SPECC1L: variants seen among roughly 807,000 people sequenced by gnomAD.
SPECC1L encodes cytospin-A.
SPECC1L carries 40 observed loss-of-function variants against 116.8 expected under a neutral mutation model. That is an observed-to-expected ratio of 0.34 (90% CI 0.27 to 0.45). The LOEUF (loss-of-function observed/expected upper bound fraction) is 0.45, where lower values mean the gene tolerates loss of function less well. Among genes scored for constraint, SPECC1L ranks in the 20% least tolerant of loss-of-function variants. The probability of loss-of-function intolerance (pLI) is 1.00; values close to 1 mark genes in which losing one functional copy is unlikely to be tolerated. For synonymous variants in SPECC1L, 504 were observed against 500.6 expected, an observed-to-expected ratio of 1.01 and a Z score of -0.09; for missense variants, 1,110 against 1,373.6, an observed-to-expected ratio of 0.81 and a Z score of 3.03.
intron 13 of SPECC1L, among the ~76,000 whole-genome samples, chr22:24,368,417 A>G (rs2041813036): frequency 6.6e-6 from 1 of 152,230 alleles, no homozygotes; most frequent in African/African-American, 2.4e-5. Context: ...GCCTAAAGTC[A>G]AAAAACAGTG....
At chr22:24,346,787 TATTTTACTATAG>T (rs1264805427) in intron 10 of SPECC1L, among the ~76,000 whole-genome samples, 1 of 152,168 alleles carries the variant, frequency 6.6e-6, no homozygotes, top group Non-Finnish European at 1.5e-5. Flanking sequence ...CTGCTGGTGG[TATTTTACTATAG>T]GTTTGTAAGA....
intron 11 of SPECC1L, among the ~76,000 whole-genome samples, chr22:24,355,486 TCTAA>T (rs996467302): frequency 2.4e-4 from 36 of 151,966 alleles, no homozygotes; most frequent in East Asian, 9.7e-4. Flanking sequence ...TACCTACCTA[TCTAA>T]CTATCTTATT....
intron 14 of SPECC1L, among the ~76,000 whole-genome samples, chr22:24,379,353 C>T (rs1203997123): frequency 6.6e-6 from 1 of 151,546 alleles, no homozygotes; most frequent in East Asian, 1.9e-4. Context: ...GCACTCCTGC[C>T]TGGACAACAG....
At position 24,302,362 on chromosome 22, in the gene SPECC1L, G is replaced by C; in HGVS notation, c.131G>C (p.Gly44Ala). The change falls in exon 3 of 17, where the codon GGA (glycine) becomes GCA (alanine). Residue 44 changes from glycine (G) to alanine (A), a missense_variant. Gly to Ala is a moderately conservative substitution (Grantham distance 60). Transcript: ENST00000314328. The stretch of plus-strand genomic sequence containing the variant: ...ACGGGAGGCAAACTTGTAAAACCTG[G>C]AACAGCAGCATCATTGTCAAAGGTA... ...ASTGGKLVKP[G>A]TAASLSKTKS... The C allele has an allele frequency of 6.2e-7, 1 of 1,614,104 alleles. No homozygotes were observed. The highest frequency in any genetic ancestry group is 8.5e-7 in the Non-Finnish European group (1 of 1,180,028).
chr22:24,293,528 T>C (rs1218130150), intron 2 of SPECC1L, among the ~76,000 whole-genome samples: 1 of 152,166 alleles, frequency 6.6e-6, no homozygotes, highest in Non-Finnish European at 1.5e-5. Flanking sequence ...CTTGAAAATA[T>C]TAGATAACCA....
chr22:24,342,817 G>A (rs2041205468), intron 10 of SPECC1L, among the ~76,000 whole-genome samples: 2 of 152,138 alleles, frequency 1.3e-5, no homozygotes, highest in African/African-American at 2.4e-5. Flanking sequence ...ATGAAATTAA[G>A]TGGTCCTACA....
At chr22:24,399,179 G>A (rs1264356491) in intron 14 of SPECC1L, among the ~76,000 whole-genome samples, 3 of 152,280 alleles carry the variant, frequency 2.0e-5, no homozygotes, top group Non-Finnish European at 1.5e-5. Flanking sequence ...CCCTCTGGAG[G>A]GGTTTATGGG....
At chr22:24,339,314 G>A (rs919067542) in intron 10 of SPECC1L, among the ~76,000 whole-genome samples, 1 of 152,208 alleles carries the variant, frequency 6.6e-6, no homozygotes, top group Non-Finnish European at 1.5e-5. Context: ...GCAAGTCACA[G>A]GGCAGCTGCG....
chr22:24,385,760 G>A (rs1223625746), intron 14 of SPECC1L, among the ~76,000 whole-genome samples: 1 of 152,152 alleles, frequency 6.6e-6, no homozygotes. Context: ...AGAATATAAA[G>A]GAAAACTGAT....
chr22:24,347,166 C>A lies in SPECC1L; in HGVS notation c.2733C>A (p.Ile911=). 6.2e-7 allele frequency: 1 copy of A among 1,613,230 alleles called. No homozygotes were observed. Among genetic ancestry groups the A allele is most frequent in the Non-Finnish European group, 8.5e-7 (1 of 1,179,258 alleles). The change falls in exon 11 of 17, where the codon ATC becomes ATA. Residue 911 remains isoleucine, a synonymous_variant. Transcript: ENST00000314328. The part of the protein sequence containing the change: ...LSDKRPNYGE[I]PVQEHLLRTS... ...ATAAGAGACCAAACTATGGGGAAAT[C>A]CCTGTTCAAGGTACGTGTAATATGC...
chr22:24,289,283 T>C (rs1475319042), intron 2 of SPECC1L, among the ~76,000 whole-genome samples: 2 of 152,214 alleles, frequency 1.3e-5, no homozygotes, highest in Non-Finnish European at 2.9e-5. Context: ...TTGGACTAAA[T>C]CTGGAAAAAT....
intron 2 of SPECC1L, among the ~76,000 whole-genome samples, chr22:24,282,036 C>T (rs1439976558): frequency 1.3e-5 from 2 of 152,122 alleles, no homozygotes; most frequent in African/African-American, 4.8e-5. Context: ...GCCGATGGGC[C>T]AGGAGTGCTG....
intron 14 of SPECC1L, among the ~76,000 whole-genome samples, chr22:24,372,619 G>A (rs1482916770): frequency 1.3e-5 from 2 of 152,126 alleles, no homozygotes; most frequent in South Asian, 2.1e-4. Context: ...TTGATGGGAC[G>A]TATCTCAAAA....
In SPECC1L at chr22:24,324,679, C is replaced by T. The variant is rs192150702; in HGVS notation, c.2146+252C>T. 5.6e-3 allele frequency among the ~76,000 whole-genome samples: 849 copies of T among 152,112 alleles called. 7 individuals carry two copies. The highest frequency in any genetic ancestry group is 8.3e-3 in the Non-Finnish European group (562 of 67,990). On this transcript the variant is annotated intron_variant, in intron 6 of 16. Transcript: ENST00000314328. Reference sequence around the variant, plus strand: ...CAGCCTGGCCAACATGGTAAAACCCCGTATCTACTAAAAATACAAAAATTA... The same window carrying T: ...CAGCCTGGCCAACATGGTAAAACCCTGTATCTACTAAAAATACAAAAATTA...
At chr22:24,343,429 A>G (rs1315720194) in intron 10 of SPECC1L, 3 of 445,952 alleles carry the variant, frequency 6.7e-6, no homozygotes, top group East Asian at 1.4e-4. Flanking sequence ...TGTGCAAGTC[A>G]GAAGACAACA....
intron 14 of SPECC1L, among the ~76,000 whole-genome samples, chr22:24,390,949 C>T (rs1202814659): frequency 7.3e-6 from 1 of 136,198 alleles, no homozygotes; most frequent in Non-Finnish European, 1.5e-5. Context: ...GATCTCGGCT[C>T]ACTGCAACCT....
At chr22:24,325,538 G>GATTGATTTATTT (rs2040802213) in intron 6 of SPECC1L, among the ~76,000 whole-genome samples, 1 of 146,672 alleles carries the variant, frequency 6.8e-6, no homozygotes, top group African/African-American at 2.5e-5. Flanking sequence ...TACTTAAATG[G>GATTGATTTATTT]ATTTATTTAT....
intron 2 of SPECC1L, among the ~76,000 whole-genome samples, chr22:24,284,737 G>A (rs2049009848): frequency 6.6e-6 from 1 of 152,084 alleles, no homozygotes; most frequent in Non-Finnish European, 1.5e-5. Flanking sequence ...ACCCAGCTGA[G>A]AATCTTTAAA....
chr22:24,333,509 G>A (rs1048660270), intron 8 of SPECC1L, among the ~76,000 whole-genome samples: 3 of 151,190 alleles, frequency 2.0e-5, no homozygotes, highest in African/African-American at 7.3e-5. Flanking sequence ...GACTCAGGAT[G>A]CATCACACTG....
Sources: gnomAD v4.1 joint callset for allele counts (sites outside exome capture counted in the v4.1 genomes callset) on GRCh38, gnomAD v4.1.1 for gene constraint, MANE v1.5 for transcripts, NCBI Gene and HGNC (gene_info 2026-07-23, HGNC 2026-07-21) for gene names.